Variants in NKAIN3 observed in about 807,000 individuals in gnomAD.
NKAIN3 encodes the protein sodium/potassium transporting ATPase interacting 3.
A neutral mutation model predicts 30.2 loss-of-function variants in NKAIN3; 25 were observed. The ratio of observed to expected loss-of-function variants is 0.83; its 90% CI spans 0.60 to 1.16. The LOEUF (loss-of-function observed/expected upper bound fraction) is 1.16. NKAIN3 is among the 50% of genes most tolerant of loss of function. The probability of loss-of-function intolerance (pLI) is 0.00; values close to 1 mark genes in which losing one functional copy is unlikely to be tolerated. For missense variants in NKAIN3, 225 were observed against 254.1 expected, an observed-to-expected ratio of 0.89 and a Z score of 0.78; for synonymous variants, 91 against 89.6, an observed-to-expected ratio of 1.02 and a Z score of -0.09.
chr8:62,900,390 A>T (rs533530543), intron 4 of NKAIN3, among the ~76,000 whole-genome samples: 9 of 152,338 alleles, frequency 5.9e-5, no homozygotes, highest in African/African-American at 2.2e-4. Flanking sequence ...ATTACAGTAT[A>T]AAAGACCTTG....
At chr8:62,551,129 GA>G (rs1196115548) in intron 1 of NKAIN3, among the ~76,000 whole-genome samples, 8 of 152,102 alleles carry the variant, frequency 5.3e-5, no homozygotes, top group Non-Finnish European at 1.2e-4. Flanking sequence ...TACGAAGAGA[GA>G]AAACTTCCAT....
chr8:62,799,064 G>T (rs1232217073), intron 4 of NKAIN3, among the ~76,000 whole-genome samples: 1 of 152,044 alleles, frequency 6.6e-6, no homozygotes, highest in Non-Finnish European at 1.5e-5. Context: ...AATTAGAGCT[G>T]GTTAAATGTT....
intron 4 of NKAIN3, among the ~76,000 whole-genome samples, chr8:62,808,918 G>A (rs567786187): frequency 6.6e-6 from 1 of 152,118 alleles, no homozygotes; most frequent in African/African-American, 2.4e-5. Flanking sequence ...ATAGGCCTGG[G>A]AGCGCTACGG....
At chr8:62,897,870 A>G (rs1026766124) in intron 4 of NKAIN3, among the ~76,000 whole-genome samples, 1 of 152,110 alleles carries the variant, frequency 6.6e-6, no homozygotes, top group Non-Finnish European at 1.5e-5. Context: ...CTGCTTTCTG[A>G]CACAAGTTGA....
chr8:62,721,118 CATCTGTCCAGGAGTAAAAT>C (rs1469040102), intron 3 of NKAIN3, among the ~76,000 whole-genome samples: 1 of 152,090 alleles, frequency 6.6e-6, no homozygotes, highest in Non-Finnish European at 1.5e-5. Context: ...TACGTAGCCC[CATCTGTCCAGGAGTAAAAT>C]ATCCCTGTAG....
intron 1 of NKAIN3, among the ~76,000 whole-genome samples, chr8:62,337,917 G>A (rs1465333161): frequency 2.0e-5 from 3 of 152,018 alleles, no homozygotes; most frequent in Non-Finnish European, 2.9e-5. Flanking sequence ...AGTCGCTGTT[G>A]CACAATAAGT....
chr8:62,934,599 G>A (rs375694823), intron 5 of NKAIN3, among the ~76,000 whole-genome samples: 3 of 152,102 alleles, frequency 2.0e-5, no homozygotes, highest in African/African-American at 7.2e-5. Flanking sequence ...TCTACAGCCT[G>A]GTTCCCTGAC....
chr8:62,360,053 T>A (rs951932954), intron 1 of NKAIN3, among the ~76,000 whole-genome samples: 7 of 152,140 alleles, frequency 4.6e-5, no homozygotes, highest in African/African-American at 1.7e-4. Flanking sequence ...TAAGACAGTC[T>A]CTCTCCAAAT....
At chr8:62,802,032 A>G (rs1818082791) in intron 4 of NKAIN3, among the ~76,000 whole-genome samples, 1 of 152,216 alleles carries the variant, frequency 6.6e-6, no homozygotes. Context: ...ATGGAAGATG[A>G]AATGATTGAA....
chr8:62,940,504 A>G (rs537704375), intron 5 of NKAIN3, among the ~76,000 whole-genome samples: 1 of 152,162 alleles, frequency 6.6e-6, no homozygotes, highest in Non-Finnish European at 1.5e-5. Context: ...TCCAAGGTGG[A>G]CCATAAGATA....
chr8:62,376,982 C>T (rs1448184420), intron 1 of NKAIN3, among the ~76,000 whole-genome samples: 1 of 151,866 alleles, frequency 6.6e-6, no homozygotes, highest in Non-Finnish European at 1.5e-5. Flanking sequence ...GTAGAAAGAC[C>T]TACATTGTAT....
At position 62,579,524 on chromosome 8, in the gene NKAIN3, C is replaced by CT. The variant is rs761640305; in HGVS notation, c.55-8dup. The CT allele has an allele frequency of 5.7e-6, 9 of 1,591,434 alleles. No homozygotes were observed. The Admixed American group carries it at 1.1e-4, about 19-fold the overall frequency. Reference sequence around the variant, plus strand: ...CTTGGATTCAATGCTAATGAACTTTCTTTTTTTGTTGTAGGTCTCAGCATT... The same window carrying CT: ...CTTGGATTCAATGCTAATGAACTTTCTTTTTTTTGTTGTAGGTCTCAGCATT... On this transcript the variant is annotated splice_polypyrimidine_tract_variant and intron_variant, in intron 1 of 6. Transcript: ENST00000623646.
At chr8:62,946,800 A>G (rs1293233465) in intron 5 of NKAIN3, among the ~76,000 whole-genome samples, 1 of 152,230 alleles carries the variant, frequency 6.6e-6, no homozygotes, top group Non-Finnish European at 1.5e-5. Flanking sequence ...GCTCAGAATA[A>G]ATGTGTTAAG....
At chr8:62,817,400 G>T (rs181209508) in intron 4 of NKAIN3, among the ~76,000 whole-genome samples, 1 of 151,996 alleles carries the variant, frequency 6.6e-6, no homozygotes, top group Non-Finnish European at 1.5e-5. Flanking sequence ...AATTTGTTTC[G>T]AGTGGGAAGT....
At chr8:62,765,402 C>G (rs1412852075) in intron 4 of NKAIN3, among the ~76,000 whole-genome samples, 1 of 152,150 alleles carries the variant, frequency 6.6e-6, no homozygotes, top group Non-Finnish European at 1.5e-5. Context: ...CTCAACCTGG[C>G]TAGTACTTCC....
intron 4 of NKAIN3, among the ~76,000 whole-genome samples, chr8:62,817,257 A>G (rs560532377): frequency 6.6e-6 from 1 of 152,138 alleles, no homozygotes; most frequent in Non-Finnish European, 1.5e-5. Flanking sequence ...TGCACAGTTT[A>G]AAGTTCTTGT....
chr8:62,729,040 C>CAAAAAAAAAAAAA (rs1317282077), intron 3 of NKAIN3, among the ~76,000 whole-genome samples: 16 of 61,182 alleles, frequency 2.6e-4, no homozygotes, highest in Non-Finnish European at 3.9e-4. Flanking sequence ...AAAAAAAAAA[C>CAAAAAAAAAAAAA]AAAAAAAAAA....
At chr8:62,445,937 A>C (rs1247688088) in intron 1 of NKAIN3, among the ~76,000 whole-genome samples, 1 of 152,202 alleles carries the variant, frequency 6.6e-6, no homozygotes, top group Non-Finnish European at 1.5e-5. Context: ...CTCATAGATT[A>C]CAAAATAATA....
At chr8:62,699,276 T>C (rs1216165341) in intron 3 of NKAIN3, among the ~76,000 whole-genome samples, 1 of 152,244 alleles carries the variant, frequency 6.6e-6, no homozygotes, top group East Asian at 1.9e-4. Context: ...TAGTATGATA[T>C]GCTGCATTAT....
Sources: allele counts gnomAD v4.1 joint callset (sites outside exome capture counted in the v4.1 genomes callset), GRCh38; gene constraint gnomAD v4.1.1; transcripts MANE v1.5; gene names NCBI Gene and HGNC (gene_info 2026-07-23, HGNC 2026-07-21).